SGCG: variants seen among roughly 807,000 people sequenced by gnomAD.
The protein encoded by SGCG is gamma-sarcoglycan.
Under a neutral mutation model 29.3 loss-of-function variants are expected in SGCG, and 26 were observed. The observed-to-expected ratio is 0.89, with a 90% CI of 0.65 to 1.23. The LOEUF (loss-of-function observed/expected upper bound fraction) is 1.23. Among genes scored for constraint, SGCG ranks in the 50% most tolerant of loss-of-function variants. The pLI is 0.00. For synonymous variants in SGCG, 145 were observed against 129.7 expected, an observed-to-expected ratio of 1.12 and a Z score of -0.80; for missense variants, 353 against 356.0, an observed-to-expected ratio of 0.99 and a Z score of 0.07.
chr13:23,247,954 T>TAAA (rs200707498), intron 3 of SGCG, among the ~76,000 whole-genome samples: 1,336 of 110,632 alleles, frequency 0.012, 27 homozygotes, highest in African/African-American at 0.046. Context: ...TCCCATCTCT[T>TAAA]AAAAAAAAAA....
rs558681601 is a variant in SGCG at position 23,202,027 on chromosome 13, G to A, written c.1-1668G>A. 1.3e-3 allele frequency among the ~76,000 whole-genome samples: 198 copies of A among 152,348 alleles called. 1 individual carries two copies. Among genetic ancestry groups the A allele is most frequent in the African/African-American group, 4.0e-3 (168 of 41,570 alleles). On this transcript the variant is annotated intron_variant, in intron 1 of 7. Transcript: ENST00000218867. ...CATGTGTGCTGCTACTGAAAGATGA[G>A]CAGGACCAGCAGGGGCAGACCAAGT...
At chr13:23,223,965 CAAAA>C (rs34614476) in intron 2 of SGCG, among the ~76,000 whole-genome samples, 20,187 of 150,154 alleles carry the variant, frequency 0.13, 1,573 homozygotes, top group African/African-American at 0.21. Flanking sequence ...GACTCCATCT[CAAAA>C]AAAAAGATAA....
At chr13:23,260,812 T>C (rs1332004888) in intron 4 of SGCG, among the ~76,000 whole-genome samples, 1 of 152,094 alleles carries the variant, frequency 6.6e-6, no homozygotes, top group Non-Finnish European at 1.5e-5. Flanking sequence ...TGAAGCTTAG[T>C]TTGAAATTCT....
chr13:23,207,916 A>G (rs1416470630), intron 2 of SGCG, among the ~76,000 whole-genome samples: 1 of 152,160 alleles, frequency 6.6e-6, no homozygotes, highest in East Asian at 1.9e-4. Context: ...TAAAAATCAA[A>G]CTTCCTTATG....
At chr13:23,191,463 GT>G (rs1422855775) in intron 1 of SGCG, among the ~76,000 whole-genome samples, 2 of 152,162 alleles carry the variant, frequency 1.3e-5, no homozygotes, top group Non-Finnish European at 2.9e-5. Flanking sequence ...AAGACCAGAT[GT>G]CAAAACCACA....
rs913372983 is a variant in SGCG at position 23,193,917 on chromosome 13, C to T, written c.1-9778C>T. ...GAAAAAGAGAAGATTATGAAAGGGC[C>T]TGAGAATTAAAGTCTAGAAAGGTAG... On this transcript the variant is annotated intron_variant, in intron 1 of 7. Coordinates refer to ENST00000218867, the MANE Select transcript of SGCG (RefSeq NM_000231.3). 2.0e-5 allele frequency among the ~76,000 whole-genome samples: 3 copies of T among 151,834 alleles called. No individual in the cohort carries two copies. In the East Asian group the frequency reaches 5.8e-4, roughly 29 times the overall value.
rs780348174 is a variant in SGCG at position 23,324,457 on chromosome 13, CTG to C, written c.800_801del (p.Cys267SerfsTer51). ...SGSSQSLYEI[C>X]VCPDGKLYLS... ...GCAGCTCACAGAGCCTCTACGAAAT[CTG>C]TGTGTGTCCAGATGGGAAGCTGTAC... On this transcript the variant is annotated frameshift_variant, in exon 8 of 8. Coordinates refer to ENST00000218867, the MANE Select transcript of SGCG (RefSeq NM_000231.3). LOFTEE classifies it high-confidence loss of function. 2.5e-6 allele frequency: 4 copies of C among 1,614,112 alleles called. No individual in the cohort carries two copies. Among genetic ancestry groups the C allele is most frequent in the Non-Finnish European group, 2.5e-6 (3 of 1,180,030 alleles).
chr13:23,254,068 C>T (rs1880085052), intron 4 of SGCG, among the ~76,000 whole-genome samples: 1 of 152,146 alleles, frequency 6.6e-6, no homozygotes, highest in African/African-American at 2.4e-5. Flanking sequence ...AATCGAGTAA[C>T]ACAGAAAATT....
At chr13:23,274,727 G>A (rs778802762) in intron 4 of SGCG, among the ~76,000 whole-genome samples, 5 of 152,000 alleles carry the variant, frequency 3.3e-5, no homozygotes, top group Admixed American at 6.6e-5. Context: ...CGGTCTGTGT[G>A]GAATTTTTAT....
At chr13:23,205,807 T>C (rs532891505) in intron 2 of SGCG, among the ~76,000 whole-genome samples, 2 of 152,248 alleles carry the variant, frequency 1.3e-5, no homozygotes, top group South Asian at 4.1e-4. Flanking sequence ...TTGCTTCAGT[T>C]AGGAACCTGT....
At chr13:23,301,918 C>A (rs971246358) in intron 6 of SGCG, among the ~76,000 whole-genome samples, 2 of 151,874 alleles carry the variant, frequency 1.3e-5, no homozygotes, top group Admixed American at 1.3e-4. Flanking sequence ...GAAAAAAAAT[C>A]AATGGGAACA....
chr13:23,170,754 T>A, the SGCG span, among the ~76,000 whole-genome samples: 1 of 152,168 alleles, frequency 6.6e-6, no homozygotes, highest in South Asian at 2.1e-4. Context: ...TCTAAGTAGC[T>A]GGCATGAGGA....
chr13:23,238,711 G>GAAAGC lies in SGCG; in HGVS notation c.297+4001_297+4005dup, dbSNP rs1305119830. Among the ~76,000 whole-genome samples, 5 of 152,278 alleles carry GAAAGC rather than the reference G, an allele frequency of 3.3e-5. No homozygotes were observed. The Middle Eastern group carries it at 0.017, about 518-fold the overall frequency. The stretch of plus-strand genomic sequence containing the variant: ...ATTTCATCTGTGCACAAAAGTCGAG[G>GAAAGC]AAAGCATAATCATGTTAAGGAGAGA... On this transcript the variant is annotated intron_variant, in intron 3 of 7. Coordinates refer to ENST00000218867, the MANE Select transcript of SGCG (RefSeq NM_000231.3).
chr13:23,279,729 T>C (rs1193494917), intron 5 of SGCG, among the ~76,000 whole-genome samples: 1 of 151,676 alleles, frequency 6.6e-6, no homozygotes, highest in Non-Finnish European at 1.5e-5. Context: ...CTCCCTTCCT[T>C]CTTTTTTTTT....
intron 2 of SGCG, among the ~76,000 whole-genome samples, chr13:23,212,804 T>G (rs1878276963): frequency 6.6e-6 from 1 of 152,154 alleles, no homozygotes; most frequent in Non-Finnish European, 1.5e-5. Context: ...AAGTCCGTGT[T>G]GCAGAGCAGG....
rs551938266 is a variant in SGCG at position 23,215,929 on chromosome 13, A to C, written c.195+12040A>C. Among the ~76,000 whole-genome samples the C allele has an allele frequency of 9.1e-5, 13 of 142,936 alleles. No homozygotes were observed. The South Asian group carries it at 2.8e-3, about 30-fold the overall frequency. 93.8% of individuals were successfully genotyped at this position (142,936 alleles called of 152,430 possible). ...TTTGAGATGTTCAGTAGCTTACAAG[A>C]CTATGTGCACAAAATGTGAAATAAC... is the stretch of plus-strand genomic sequence containing the variant. On this transcript the variant is annotated intron_variant, in intron 2 of 7. Transcript: ENST00000218867.
At chr13:23,211,138 C>T (rs1878189052) in intron 2 of SGCG, among the ~76,000 whole-genome samples, 2 of 152,178 alleles carry the variant, frequency 1.3e-5, no homozygotes, top group African/African-American at 2.4e-5. Flanking sequence ...CCCATCAAGT[C>T]ACAGGCAGCA....
intron 2 of SGCG, among the ~76,000 whole-genome samples, chr13:23,222,847 G>C (rs929817995): frequency 5.9e-5 from 9 of 151,804 alleles, no homozygotes; most frequent in Non-Finnish European, 1.2e-4. Context: ...AGAAAGAAAA[G>C]CATTTCTTAT....
chr13:23,202,696 G>A (rs1003287203), intron 1 of SGCG, among the ~76,000 whole-genome samples: 42 of 152,092 alleles, frequency 2.8e-4, no homozygotes, highest in African/African-American at 9.4e-4. Flanking sequence ...ATGTGAAAAC[G>A]CCTATTGTTA....
Sources: allele counts gnomAD v4.1 joint callset (sites outside exome capture counted in the v4.1 genomes callset), GRCh38; gene constraint gnomAD v4.1.1; transcripts MANE v1.5; gene names NCBI Gene and HGNC (gene_info 2026-07-23, HGNC 2026-07-21).